PTPRK: variants seen among roughly 807,000 people sequenced by gnomAD.
The protein encoded by PTPRK is protein tyrosine phosphatase receptor type K.
Under a neutral mutation model 178.0 loss-of-function variants are expected in PTPRK, and 75 were observed. That is an observed-to-expected ratio of 0.42 (90% CI 0.35 to 0.51). The LOEUF is 0.51. Ranked by LOEUF, PTPRK falls within the 20% of genes least tolerant of loss-of-function variation. PTPRK has a pLI of 0.02. For synonymous variants in PTPRK, 637 were observed against 620.6 expected, an observed-to-expected ratio of 1.03 and a Z score of -0.39; for missense variants, 1,441 against 1,797.8, an observed-to-expected ratio of 0.80 and a Z score of 3.59.
At chr6:128,279,892 A>C (rs1562195541) in intron 3 of PTPRK, among the ~76,000 whole-genome samples, 1 of 152,100 alleles carries the variant, frequency 6.6e-6, no homozygotes, top group Non-Finnish European at 1.5e-5. Flanking sequence ...CATATTTATA[A>C]ATAATAGTTG....
In PTPRK at chr6:128,336,573, C is replaced by A. The variant is rs78109838; in HGVS notation, c.224-14263G>T. 9.8e-3 allele frequency among the ~76,000 whole-genome samples: 1,485 copies of A among 152,208 alleles called. 28 individuals carry two copies. The highest frequency in any genetic ancestry group is 0.034 in the African/African-American group (1,394 of 41,530). Reference sequence around the variant, plus strand: ...TCTACTATTGTGATATACTTTCAGGCTTTCATTAACATTCATAAGCTAAAT... The same window carrying A: ...TCTACTATTGTGATATACTTTCAGGATTTCATTAACATTCATAAGCTAAAT... On this transcript the variant is annotated intron_variant, in intron 2 of 29. Coordinates refer to ENST00000368226, the MANE Select transcript of PTPRK (RefSeq NM_002844.4).
intron 2 of PTPRK, among the ~76,000 whole-genome samples, chr6:128,353,614 A>T (rs970466108): frequency 6.6e-6 from 1 of 152,256 alleles, no homozygotes; most frequent in African/African-American, 2.4e-5. Flanking sequence ...TAGTACATAC[A>T]TACCATATAC....
chr6:128,151,116 A>T (rs1169491872), intron 7 of PTPRK, among the ~76,000 whole-genome samples: 1 of 152,142 alleles, frequency 6.6e-6, no homozygotes, highest in African/African-American at 2.4e-5. Context: ...TGTTAAATTG[A>T]CTTGAATTTC....
rs1318692228 is a variant in PTPRK at position 128,372,113 on chromosome 6, A to T, written c.223+25453T>A. Among the ~76,000 whole-genome samples the T allele has an allele frequency of 2.0e-5, 3 of 152,192 alleles. No homozygotes were observed. In the East Asian group the frequency reaches 5.8e-4, roughly 29 times the overall value. On this transcript the variant is annotated intron_variant, in intron 2 of 29. Coordinates refer to ENST00000368226, the MANE Select transcript of PTPRK (RefSeq NM_002844.4). ...TTCCAGTTACTGCTTTTTCTCTCACATCAACTTAGTGATTCCCCTAGCTCT... is the reference window on the plus strand; with the variant it reads ...TTCCAGTTACTGCTTTTTCTCTCACTTCAACTTAGTGATTCCCCTAGCTCT...
At chr6:128,124,006 C>G (rs1792910141) in intron 7 of PTPRK, among the ~76,000 whole-genome samples, 1 of 151,978 alleles carries the variant, frequency 6.6e-6, no homozygotes, top group African/African-American at 2.4e-5. Flanking sequence ...TTAGAGCCCA[C>G]CTAGATAGTT....
chr6:127,973,196 A>C, intron 28 of PTPRK, 39 bp from the exon 29 acceptor site: 1 of 1,612,380 alleles, frequency 6.2e-7, no homozygotes, highest in Non-Finnish European at 8.5e-7. Flanking sequence ...AGATAGCAGC[A>C]CCAAGTGACC....
chr6:128,186,952 C>T (rs1228652284), intron 6 of PTPRK, among the ~76,000 whole-genome samples: 1 of 152,094 alleles, frequency 6.6e-6, no homozygotes, highest in Non-Finnish European at 1.5e-5. Context: ...GTTTTCATTC[C>T]AGATGGCTCA....
chr6:128,117,223 T>C (rs1791687796), intron 7 of PTPRK, among the ~76,000 whole-genome samples: 2 of 152,120 alleles, frequency 1.3e-5, no homozygotes, highest in Admixed American at 1.3e-4. Context: ...TGAACAAGGA[T>C]ATGTCAATTC....
At chr6:128,175,749 A>T (rs1448029347) in intron 7 of PTPRK, among the ~76,000 whole-genome samples, 2 of 151,820 alleles carry the variant, frequency 1.3e-5, no homozygotes. Flanking sequence ...TTGATGTATT[A>T]TTTTAATATA....
intron 1 of PTPRK, among the ~76,000 whole-genome samples, chr6:128,410,304 C>A (rs980357561): frequency 6.6e-6 from 1 of 152,174 alleles, no homozygotes; most frequent in African/African-American, 2.4e-5. Flanking sequence ...CTCCCTGCTG[C>A]GATCAGCTCA....
intron 13 of PTPRK, among the ~76,000 whole-genome samples, chr6:128,022,185 T>A (rs1483206735): frequency 1.3e-5 from 2 of 152,208 alleles, no homozygotes; most frequent in Non-Finnish European, 2.9e-5. Flanking sequence ...GTAGTTGGTA[T>A]AAATTAGTTC....
At chr6:128,234,294 C>T (rs938850467) in intron 5 of PTPRK, among the ~76,000 whole-genome samples, 1 of 152,116 alleles carries the variant, frequency 6.6e-6, no homozygotes, top group Admixed American at 6.5e-5. Context: ...CCAGTAAGTT[C>T]GTTATTTGAT....
intron 16 of PTPRK, 71 bp downstream of exon 16, chr6:127,998,648 GA>G (rs568531360): frequency 8.2e-5 from 109 of 1,327,178 alleles, no homozygotes; most frequent in African/African-American, 6.7e-4. Flanking sequence ...TAAAGAGAGG[GA>G]AAAAAATGCT....
intron 7 of PTPRK, among the ~76,000 whole-genome samples, chr6:128,183,637 G>A (rs1399928690): frequency 6.6e-6 from 1 of 152,104 alleles, no homozygotes; most frequent in South Asian, 2.1e-4. Flanking sequence ...ATGATAAACA[G>A]ATGCTCAAGA....
chr6:128,134,754 T>G (rs1268741000), intron 7 of PTPRK, among the ~76,000 whole-genome samples: 11 of 152,112 alleles, frequency 7.2e-5, no homozygotes, highest in Non-Finnish European at 1.2e-4. Context: ...GAGGCTGCAG[T>G]GATTGTACCA....
chr6:128,166,677 C>T (rs1363336585), intron 7 of PTPRK, among the ~76,000 whole-genome samples: 4 of 151,636 alleles, frequency 2.6e-5, no homozygotes, highest in African/African-American at 9.7e-5. Flanking sequence ...AGTAACAAAA[C>T]TCTATAAACA....
intron 7 of PTPRK, among the ~76,000 whole-genome samples, chr6:128,129,755 T>C (rs1014878022): frequency 1.3e-5 from 2 of 152,124 alleles, no homozygotes; most frequent in Admixed American, 1.3e-4. Context: ...ACTAATAGTA[T>C]TTAGAAAAAA....
At chr6:128,162,717 G>A (rs1296698573) in intron 7 of PTPRK, among the ~76,000 whole-genome samples, 2 of 151,698 alleles carry the variant, frequency 1.3e-5, no homozygotes, top group Non-Finnish European at 3.0e-5. Context: ...ATTGCAGGAA[G>A]CTACAAATAT....
chr6:128,027,365 G>A (rs905953996), intron 13 of PTPRK, among the ~76,000 whole-genome samples: 10 of 152,232 alleles, frequency 6.6e-5, no homozygotes, highest in Middle Eastern at 3.4e-3. Flanking sequence ...GGGCAAGAAT[G>A]TAAATCAGGC....
Sources: allele counts gnomAD v4.1 joint callset (sites outside exome capture counted in the v4.1 genomes callset), GRCh38; gene constraint gnomAD v4.1.1; transcripts MANE v1.5; gene names NCBI Gene and HGNC (gene_info 2026-07-23, HGNC 2026-07-21).